Variants in COX10 observed in about 807,000 individuals in gnomAD.
COX10 encodes the protein cytochrome c oxidase assembly factor heme A:farnesyltransferase COX10.
A neutral mutation model predicts 37.3 loss-of-function variants in COX10; 27 were observed. The observed-to-expected ratio is 0.72, with a 90% confidence interval of 0.53 to 1.00. The LOEUF is 1.00. COX10 is among the 50% of genes least tolerant of loss of function. The pLI, the probability that COX10 is intolerant of heterozygous loss-of-function variation, is 0.00. For synonymous variants in COX10, 222 were observed against 229.1 expected (o/e 0.97, Z 0.28); for missense variants, 475 against 563.2 (o/e 0.84, Z 1.59).
chr17:14,193,794 C>G lies in COX10; in HGVS notation c.928+1573C>G, dbSNP rs2261136. Among the ~76,000 whole-genome samples, 168 of 140,022 alleles carry G rather than the reference C, an allele frequency of 1.2e-3. 4 individuals carry two copies. Among genetic ancestry groups the G allele is most frequent in the Middle Eastern group, 3.9e-3 (1 of 258 alleles). 91.9% of individuals were successfully genotyped at this position (140,022 alleles called of 152,430 possible). On this transcript the variant is annotated intron_variant, in intron 6 of 6. Coordinates refer to ENST00000261643, the MANE Select transcript of COX10 (RefSeq NM_001303.4). ...TGACTTGACCCCAATTCCCTCTCCC[C>G]CTTAACGCAACTGTCCTCTTCCCTC...
At chr17:14,167,642 G>C (rs1245013127) in intron 5 of COX10, among the ~76,000 whole-genome samples, 1 of 152,170 alleles carries the variant, frequency 6.6e-6, no homozygotes, top group East Asian at 1.9e-4. Flanking sequence ...TACAAGCATA[G>C]TAGAAGGTGA....
At chr17:14,154,036 C>A (rs1904976756) in intron 4 of COX10, among the ~76,000 whole-genome samples, 1 of 152,024 alleles carries the variant, frequency 6.6e-6, no homozygotes, top group Non-Finnish European at 1.5e-5. Flanking sequence ...AAAAAGAGTC[C>A]ATTTTATTTA....
intron 3 of COX10, among the ~76,000 whole-genome samples, chr17:14,091,386 A>G (rs1915523264): frequency 6.6e-6 from 1 of 152,226 alleles, no homozygotes; most frequent in Non-Finnish European, 1.5e-5. Context: ...AGGAACAGCA[A>G]CACCAATAAG....
intron 5 of COX10, among the ~76,000 whole-genome samples, chr17:14,187,191 A>G (rs1906060108): frequency 6.6e-6 from 1 of 151,594 alleles, no homozygotes; most frequent in African/African-American, 2.4e-5. Context: ...TCCCTACAAC[A>G]TTTGCATATC....
intron 3 of COX10, among the ~76,000 whole-genome samples, chr17:14,093,265 A>G (rs1462197169): frequency 1.3e-5 from 2 of 152,108 alleles, no homozygotes; most frequent in Admixed American, 6.6e-5. Context: ...TTTTGTGGCC[A>G]GTGCTAAAAA....
intron 5 of COX10, among the ~76,000 whole-genome samples, chr17:14,189,320 A>G (rs1906131642): frequency 1.3e-5 from 2 of 152,224 alleles, no homozygotes; most frequent in African/African-American, 2.4e-5. Context: ...AAATCAGGGC[A>G]TGAAAAAGAT....
At chr17:14,179,855 C>T (rs1012199893) in intron 5 of COX10, among the ~76,000 whole-genome samples, 18 of 151,000 alleles carry the variant, frequency 1.2e-4, no homozygotes, top group African/African-American at 3.2e-4. Context: ...AGAGATTGCA[C>T]GATAAGAGCA....
intron 5 of COX10, among the ~76,000 whole-genome samples, chr17:14,182,859 A>G (rs201856292): frequency 0.57 from 84,169 of 147,582 alleles, 24,435 homozygotes; most frequent in East Asian, 0.62. Context: ...TTAACAGAAA[A>G]GCCACATTTT....
At chr17:14,133,911 A>AT (rs1233138654) in intron 4 of COX10, among the ~76,000 whole-genome samples, 1 of 151,676 alleles carries the variant, frequency 6.6e-6, no homozygotes, top group African/African-American at 2.4e-5. Context: ...ATGTTTTCAT[A>AT]TGGAAGTCTT....
intron 6 of COX10, among the ~76,000 whole-genome samples, chr17:14,201,697 C>T (rs1906545314): frequency 6.6e-6 from 1 of 152,094 alleles, no homozygotes; most frequent in Non-Finnish European, 1.5e-5. Flanking sequence ...CTGAATGATC[C>T]AATTCCTTCC....
In COX10 at chr17:14,207,140, CGCT is replaced by C. The variant is rs1443529195; in HGVS notation, c.1272_1274del (p.Leu425del). 6.2e-7 allele frequency: 1 copy of C among 1,613,294 alleles called. No individual in the cohort carries two copies. On this transcript the variant is annotated inframe_deletion, in exon 7 of 7. Transcript: ENST00000261643. ...TTCTTCTGCAGCCTGTGGCACCTGC[CGCT>C]GCTGCTGCTGCTCATGCTCACCTGC...
chr17:14,071,854 C>T (rs546878715), intron 1 of COX10, among the ~76,000 whole-genome samples: 68 of 151,642 alleles, frequency 4.5e-4, no homozygotes, highest in Non-Finnish European at 8.2e-4. Flanking sequence ...GAGCCAAGAT[C>T]GTGCCACTGC....
chr17:14,207,177 G>T lies in COX10; in HGVS notation c.1296G>T (p.Pro432=). The change falls in exon 7 of 7, where the codon CCG becomes CCT. Residue 432 remains proline, a synonymous_variant. Coordinates refer to ENST00000261643, the MANE Select transcript of COX10 (RefSeq NM_001303.4). ...LLLLMLTCKR[P]SGGGDAGPPP... The stretch of plus-strand genomic sequence containing the variant: ...TGCTCATGCTCACCTGCAAGCGGCC[G>T]AGCGGAGGCGGGGACGCAGGGCCCC... The T allele has an allele frequency of 6.2e-7, 1 of 1,606,612 alleles. No individual in the cohort carries two copies. The highest frequency in any genetic ancestry group is 1.1e-5 in the South Asian group (1 of 90,906).
At chr17:14,168,899 A>G (rs1406242649) in intron 5 of COX10, among the ~76,000 whole-genome samples, 2 of 152,214 alleles carry the variant, frequency 1.3e-5, no homozygotes, top group African/African-American at 4.8e-5. Context: ...TCTCTTGGCA[A>G]TTAACATTAT....
chr17:14,184,478 T>A (rs1472483631), intron 5 of COX10, among the ~76,000 whole-genome samples: 1 of 152,206 alleles, frequency 6.6e-6, no homozygotes, highest in Non-Finnish European at 1.5e-5. Context: ...GTGAGTACAG[T>A]GGACCCTCAA....
intron 4 of COX10, among the ~76,000 whole-genome samples, chr17:14,105,176 C>T (rs748349156): frequency 7.2e-5 from 11 of 152,176 alleles, no homozygotes; most frequent in Admixed American, 1.3e-4. Flanking sequence ...ATTACATATA[C>T]GTGATTTTTT....
intron 5 of COX10, among the ~76,000 whole-genome samples, chr17:14,162,661 C>G (rs1366398716): frequency 1.3e-5 from 2 of 151,636 alleles, no homozygotes; most frequent in African/African-American, 4.9e-5. Flanking sequence ...AATTTATGCC[C>G]CTGTTGGATC....
At chr17:14,096,096 A>C (rs528284171) in intron 3 of COX10, among the ~76,000 whole-genome samples, 10 of 152,060 alleles carry the variant, frequency 6.6e-5, no homozygotes, top group Non-Finnish European at 1.3e-4. Context: ...GCATGGTGAG[A>C]AGGTTGAGTG....
At chr17:14,202,879 G>A (rs1022623051) in intron 6 of COX10, among the ~76,000 whole-genome samples, 10 of 152,072 alleles carry the variant, frequency 6.6e-5, no homozygotes, top group Admixed American at 3.3e-4. Context: ...GAGGCCTACT[G>A]GGACCTTTCC....
Sources: gnomAD v4.1 joint callset for allele counts (sites outside exome capture counted in the v4.1 genomes callset) on GRCh38, gnomAD v4.1.1 for gene constraint, MANE v1.5 for transcripts, NCBI Gene and HGNC (gene_info 2026-07-23, HGNC 2026-07-21) for gene names.